The following XCR1 variants were observed in gnomAD, a reference collection of about 807,000 sequenced individuals.
XCR1 encodes the protein X-C motif chemokine receptor 1, also known as chemokine XC receptor 1.
For missense variants in XCR1, 356 were observed against 424.2 expected, an observed-to-expected ratio of 0.84 and a Z score of 1.41; for synonymous variants, 187 against 188.5, an observed-to-expected ratio of 0.99 and a Z score of 0.06.
At position 46,021,908 on chromosome 3, in the gene XCR1, A is replaced by T; in HGVS notation, c.40T>A (p.Tyr14Asn). The T allele has an allele frequency of 6.2e-7, 1 of 1,613,442 alleles. No individual in the cohort carries two copies. Among genetic ancestry groups the T allele is most frequent in the South Asian group, 1.1e-5 (1 of 90,998 alleles). The change falls in exon 2 of 2, where the codon TAC becomes AAC. Residue 14 changes from tyrosine to asparagine, a missense_variant. By Grantham distance (143) the Tyr-to-Asn change is moderately radical. Coordinates refer to ENST00000309285, the MANE Select transcript of XCR1 (RefSeq NM_001024644.2). This position sits in a 1 kb window ranked among gnomAD's most constrained non-coding sequence, Gnocchi z 4.7. The stretch of plus-strand genomic sequence containing the variant: ...CACGGCTGGCTCTGAAGGTCATAGT[A>T]AAAAAAGGTGGTGCTCTCTGGGTTG... ...SGNPESTTFF[Y>N]YDLQSQPCEN...
exon 4 of XCR1, among the ~76,000 whole-genome samples, chr3:46,066,954 G>A (rs999907210): frequency 3.3e-5 from 5 of 151,856 alleles, no homozygotes; most frequent in African/African-American, 1.2e-4. Context: ...AATGATGACA[G>A]TAGTGCAATG....
chr3:46,021,912 A>T lies in XCR1; in HGVS notation c.36T>A (p.Phe12Leu), dbSNP rs757344022. Reference protein sequence around the residue: ...ESSGNPESTTFFYYDLQSQPC... With the variant: ...ESSGNPESTTLFYYDLQSQPC... ...GCTGGCTCTGAAGGTCATAGTAAAA[A>T]AAGGTGGTGCTCTCTGGGTTGCCTG... Residue 12 changes from phenylalanine (F) to leucine (L), a missense_variant, in exon 2 of 2, where the codon TTT (phenylalanine) becomes TTA (leucine). By Grantham distance (22) the Phe-to-Leu change is conservative (BLOSUM62 0). Transcript: ENST00000309285. This position sits in a 1 kb window ranked among gnomAD's most constrained non-coding sequence, Gnocchi z 4.7. 2 of 1,613,876 alleles carry T rather than the reference A, an allele frequency of 1.2e-6. No homozygotes were observed. Among genetic ancestry groups the T allele is most frequent in the South Asian group, 2.2e-5 (2 of 91,042 alleles).
At chr3:46,028,805 T>C (rs1241217830), upstream of XCR1, among the ~76,000 whole-genome samples, 1 of 152,160 alleles carries the variant, frequency 6.6e-6, no homozygotes, top group Non-Finnish European at 1.5e-5. Context: ...TTGCCCAGAC[T>C]AATCTTGGAC....
At chr3:46,083,824 G>GA (rs1160914824) in intron 1 of XCR1, among the ~76,000 whole-genome samples, 1 of 152,122 alleles carries the variant, frequency 6.6e-6, no homozygotes, top group Non-Finnish European at 1.5e-5. Flanking sequence ...ACTCACCTAG[G>GA]AAAAATCAGG....
chr3:46,080,855 T>A (rs12486449), intron 1 of XCR1, among the ~76,000 whole-genome samples: 53,168 of 152,098 alleles, frequency 0.35, 12,916 homozygotes, highest in African/African-American at 0.69. Context: ...TCTTGTTTAT[T>A]CTTGCTGATG....
chr3:46,043,314 TC>T (rs1325242854), intron 5 of XCR1, among the ~76,000 whole-genome samples: 3 of 151,724 alleles, frequency 2.0e-5, no homozygotes, highest in African/African-American at 7.3e-5. Flanking sequence ...GTGGTCTATA[TC>T]CTATAATCCC....
chr3:46,021,011 G>T lies in XCR1; in HGVS notation c.937C>A (p.Pro313Thr). 1 of 1,613,398 alleles carries T rather than the reference G, an allele frequency of 6.2e-7. No individual in the cohort carries two copies. The highest frequency in any genetic ancestry group is 8.5e-7 in the Non-Finnish European group (1 of 1,179,616). ...RQFWFCRLQA[P>T]SPASIPHSPG... ...GAGTGGGGGATCGAGGCTGGGCTGG[G>T]TGCCTGCAGCCGGCAGAACCAGAAC... is the stretch of plus-strand genomic sequence containing the variant. Residue 313 changes from proline (P) to threonine (T), a missense_variant, in exon 2 of 2, where the codon CCC becomes ACC. Transcript: ENST00000309285. This position sits in a 1 kb window ranked among gnomAD's most constrained non-coding sequence, Gnocchi z 4.7.
In XCR1 at chr3:46,047,106, A is replaced by G. The variant is rs908569899; in HGVS notation, c.-32+6814T>C. Among the ~76,000 whole-genome samples the G allele has an allele frequency of 7.9e-5, 12 of 152,244 alleles. No homozygotes were observed. In the East Asian group the frequency reaches 2.3e-3, roughly 29 times the overall value. On this transcript the variant is annotated intron_variant, in intron 5 of 5. Coordinates refer to the XCR1 transcript ENST00000683768. ...GTTAATTTTATTCTGAAGTAGCCACACTTGGTAGGCTGTGTGCATCCATTT... is the reference window on the plus strand; with the variant it reads ...GTTAATTTTATTCTGAAGTAGCCACGCTTGGTAGGCTGTGTGCATCCATTT...
intron 5 of XCR1, among the ~76,000 whole-genome samples, chr3:46,043,020 A>T (rs1575420795): frequency 6.8e-6 from 1 of 146,390 alleles, no homozygotes. Context: ...GGTTCAATAT[A>T]AAAAAATCAA....
At chr3:46,056,241 C>T (rs1216800228) in intron 4 of XCR1, among the ~76,000 whole-genome samples, 2 of 152,086 alleles carry the variant, frequency 1.3e-5, no homozygotes, top group East Asian at 3.9e-4. Flanking sequence ...TGGGGTTTCA[C>T]CATGTTGGCC....
At chr3:46,067,401 G>A (rs1177450123) in intron 3 of XCR1, among the ~76,000 whole-genome samples, 1 of 152,184 alleles carries the variant, frequency 6.6e-6, no homozygotes, top group African/African-American at 2.4e-5. Context: ...GGTGCATGGT[G>A]TAAGAGGCAG....
At chr3:46,058,909 T>A (rs1188794829) in intron 4 of XCR1, among the ~76,000 whole-genome samples, 1 of 152,092 alleles carries the variant, frequency 6.6e-6, no homozygotes, top group East Asian at 1.9e-4. Context: ...TGGGAAGTAA[T>A]GGGCTCTTCA....
intron 5 of XCR1, among the ~76,000 whole-genome samples, chr3:46,044,243 T>C (rs1697585487): frequency 6.6e-6 from 1 of 152,224 alleles, no homozygotes; most frequent in Admixed American, 6.5e-5. Context: ...CTCTTTGGCC[T>C]CCCAAAGTGC....
chr3:46,084,217 C>T (rs1698430251), intron 1 of XCR1, among the ~76,000 whole-genome samples: 1 of 152,166 alleles, frequency 6.6e-6, no homozygotes, highest in Admixed American at 6.5e-5. Flanking sequence ...GACAGGGCTA[C>T]CCAGGAATGA....
chr3:46,028,998 T>C (rs1221355529), upstream of XCR1, among the ~76,000 whole-genome samples: 3 of 152,248 alleles, frequency 2.0e-5, no homozygotes, highest in African/African-American at 7.2e-5. Context: ...TAGGGATTTA[T>C]AGCTATGGCT....
At chr3:46,049,380 A>G (rs1697696996) in intron 5 of XCR1, among the ~76,000 whole-genome samples, 1 of 152,202 alleles carries the variant, frequency 6.6e-6, no homozygotes, top group Admixed American at 6.5e-5. Flanking sequence ...CACAGAACCA[A>G]TCAGTTTGTC....
chr3:46,025,642 A>G (rs954327319), intron 1 of XCR1, among the ~76,000 whole-genome samples: 12 of 152,374 alleles, frequency 7.9e-5, no homozygotes, highest in African/African-American at 2.2e-4. Context: ...GCAAATGTGA[A>G]TAGCCCTACA....
chr3:46,079,632 A>C (rs1230012132), intron 1 of XCR1, among the ~76,000 whole-genome samples: 1 of 152,098 alleles, frequency 6.6e-6, no homozygotes, highest in Non-Finnish European at 1.5e-5. Context: ...CCCCTCCCTG[A>C]AACCCCATTT....
At position 46,021,959 on chromosome 3, in the gene XCR1, G is replaced by C. The variant is rs371787258; in HGVS notation, c.-12C>G. The C allele has an allele frequency of 2.4e-5, 39 of 1,599,864 alleles. No homozygotes were observed. The highest frequency in any genetic ancestry group is 1.7e-4 in the Middle Eastern group (1 of 5,980). ...CCTGAGGACTCCATCTGGACCAGATGGCAGGGACGTTTAGAGCATCTGAAA... is the reference window on the plus strand; with the variant it reads ...CCTGAGGACTCCATCTGGACCAGATCGCAGGGACGTTTAGAGCATCTGAAA... On this transcript the variant is annotated 5_prime_UTR_variant, in exon 2 of 2. Transcript: ENST00000309285. The surrounding 1 kb of genome is among the most constrained non-coding windows in gnomAD (Gnocchi z 4.7).
Sources: allele counts gnomAD v4.1 joint callset (sites outside exome capture counted in the v4.1 genomes callset), GRCh38; gene constraint gnomAD v4.1.1; non-coding constraint Gnocchi (gnomAD v3.1); transcripts MANE v1.5; gene names NCBI Gene and HGNC (gene_info 2026-07-23, HGNC 2026-07-21).